TNRC6B: variants seen among roughly 807,000 people sequenced by gnomAD.
TNRC6B encodes the protein trinucleotide repeat-containing gene 6B protein.
A neutral mutation model predicts 203.6 loss-of-function variants in TNRC6B; 52 were observed. The observed-to-expected ratio is 0.26, with a 90% CI of 0.20 to 0.32. The LOEUF (loss-of-function observed/expected upper bound fraction) is 0.32. TNRC6B is among the 10% of genes least tolerant of loss of function. The probability of loss-of-function intolerance (pLI) is 1.00; values close to 1 mark genes in which losing one functional copy is unlikely to be tolerated. For missense variants in TNRC6B, 1,923 were observed against 2,286.2 expected (o/e 0.84, Z 3.24); for synonymous variants, 838 against 845.7 (o/e 0.99, Z 0.16).
chr22:40,065,163 A>G lies in TNRC6B; in HGVS notation c.-121+20165A>G, dbSNP rs373736595. On this transcript the variant is annotated intron_variant, in intron 1 of 23. Coordinates refer to the TNRC6B transcript ENST00000301923. ...ATAATTGATATTAATTTTTCTTTAA[A>G]TATTTGATAGAATTCCCCAGTGAGC... Among the ~76,000 whole-genome samples the G allele has an allele frequency of 5.7e-4, 87 of 152,040 alleles. No homozygotes were observed. In the East Asian group the frequency reaches 0.013, roughly 23 times the overall value.
intron 4 of TNRC6B, among the ~76,000 whole-genome samples, chr22:40,157,181 T>C (rs1183476941): frequency 6.6e-6 from 1 of 152,152 alleles, no homozygotes; most frequent in African/African-American, 2.4e-5. Flanking sequence ...AAAAATTGTG[T>C]TGCAGAGCAG....
At chr22:40,215,885 A>C (rs2069628221) in intron 1 of TNRC6B, among the ~76,000 whole-genome samples, 1 of 152,238 alleles carries the variant, frequency 6.6e-6, no homozygotes, top group Non-Finnish European at 1.5e-5. Flanking sequence ...CTTCTCCTTC[A>C]TACATGCTCT....
At chr22:40,253,981 TTGTGTAGAGGAC>T (rs1438387916) in intron 3 of TNRC6B, among the ~76,000 whole-genome samples, 2 of 152,126 alleles carry the variant, frequency 1.3e-5, no homozygotes, top group African/African-American at 2.4e-5. Flanking sequence ...AAGTCTCTGG[TTGTGTAGAGGAC>T]TGAAGTGAGA....
chr22:40,317,398 T>G (rs1429728537), intron 21 of TNRC6B, among the ~76,000 whole-genome samples: 1 of 152,112 alleles, frequency 6.6e-6, no homozygotes, highest in East Asian at 1.9e-4. Context: ...GCCAACATGG[T>G]GAAACCCCGT....
At chr22:40,203,912 C>T (rs1227707126) in intron 1 of TNRC6B, among the ~76,000 whole-genome samples, 2 of 152,110 alleles carry the variant, frequency 1.3e-5, no homozygotes, top group Non-Finnish European at 2.9e-5. Context: ...CTTTTATTGC[C>T]CTTTATGATG....
chr22:40,316,446 G>A (rs1304112905), intron 21 of TNRC6B, among the ~76,000 whole-genome samples: 1 of 151,958 alleles, frequency 6.6e-6, no homozygotes, highest in Non-Finnish European at 1.5e-5. Context: ...CGAGAGGATT[G>A]CTTGAAGCCA....
intron 1 of TNRC6B, among the ~76,000 whole-genome samples, chr22:40,045,225 G>C (rs2067676887): frequency 6.9e-6 from 1 of 145,066 alleles, no homozygotes; most frequent in Non-Finnish European, 1.5e-5. Context: ...GGCCGGCGGC[G>C]CTGAGCGCGC....
chr22:40,244,406 C>T (rs2070074995), intron 1 of TNRC6B, among the ~76,000 whole-genome samples: 1 of 151,638 alleles, frequency 6.6e-6, no homozygotes, highest in Non-Finnish European at 1.5e-5. Flanking sequence ...AGGAGAAAGG[C>T]TAATATTTGA....
rs547344987 is a variant in TNRC6B at position 40,154,483 on chromosome 22, A to C, written c.46-1632A>C. Among the ~76,000 whole-genome samples, 527 of 151,404 alleles carry C rather than the reference A, an allele frequency of 3.5e-3. 3 individuals are homozygous for C. Among genetic ancestry groups the C allele is most frequent in the African/African-American group, 0.012 (511 of 41,182 alleles). On this transcript the variant is annotated intron_variant, in intron 3 of 23. Transcript: ENST00000301923. ...CATCTCAAAAATAAATAAATAAATA[A>C]ATAATAAAATAAAAGCATGTATATA... is the stretch of plus-strand genomic sequence containing the variant.
intron 1 of TNRC6B, among the ~76,000 whole-genome samples, chr22:40,045,916 T>C (rs1229091918): frequency 1.3e-5 from 2 of 152,260 alleles, no homozygotes; most frequent in African/African-American, 2.4e-5. Flanking sequence ...TTGGCTGTTT[T>C]ATTACTTTTT....
chr22:40,183,179 A>G (rs969770641), intron 1 of TNRC6B, among the ~76,000 whole-genome samples: 3 of 152,168 alleles, frequency 2.0e-5, no homozygotes, highest in Non-Finnish European at 4.4e-5. Flanking sequence ...TGGGGATAAT[A>G]TATTGTTGCG....
At chr22:40,303,961 G>T (rs1201278665) in intron 15 of TNRC6B, among the ~76,000 whole-genome samples, 2 of 152,118 alleles carry the variant, frequency 1.3e-5, no homozygotes, top group Non-Finnish European at 2.9e-5. Flanking sequence ...TTGAATTGAA[G>T]AATACATTTT....
At chr22:40,049,636 C>A (rs1357784078) in intron 1 of TNRC6B, among the ~76,000 whole-genome samples, 1 of 152,154 alleles carries the variant, frequency 6.6e-6, no homozygotes, top group Non-Finnish European at 1.5e-5. Flanking sequence ...TGGAGTCTCG[C>A]TCTGTCGCCC....
chr22:40,287,804 G>C (rs1407735786), intron 12 of TNRC6B, among the ~76,000 whole-genome samples: 1 of 152,236 alleles, frequency 6.6e-6, no homozygotes, highest in Non-Finnish European at 1.5e-5. Context: ...GTTGGTGGCA[G>C]AGGGGTGGGT....
intron 4 of TNRC6B, among the ~76,000 whole-genome samples, chr22:40,166,485 A>G (rs1019759078): frequency 2.2e-4 from 31 of 140,274 alleles, no homozygotes; most frequent in African/African-American, 7.2e-4. Context: ...ATTCTGTGAT[A>G]TTTTCTAAAA....
At chr22:40,054,330 C>T (rs1487457554) in intron 1 of TNRC6B, among the ~76,000 whole-genome samples, 4 of 152,178 alleles carry the variant, frequency 2.6e-5, no homozygotes, top group Non-Finnish European at 5.9e-5. Flanking sequence ...GCCTCTTTTC[C>T]TACTGTCTTC....
At chr22:40,184,973 C>A (rs934744949) in intron 1 of TNRC6B, among the ~76,000 whole-genome samples, 1 of 152,010 alleles carries the variant, frequency 6.6e-6, no homozygotes, top group Non-Finnish European at 1.5e-5. Flanking sequence ...TTAAGAGTTA[C>A]CAGTAGTTCC....
chr22:40,282,446 T>C (rs190857573), intron 11 of TNRC6B, among the ~76,000 whole-genome samples: 2 of 152,376 alleles, frequency 1.3e-5, no homozygotes, highest in African/African-American at 4.8e-5. Context: ...GGATATATAC[T>C]GTTTATATAA....
At chr22:40,314,854 C>T (rs2071235782) in intron 19 of TNRC6B, among the ~76,000 whole-genome samples, 1 of 152,204 alleles carries the variant, frequency 6.6e-6, no homozygotes, top group Non-Finnish European at 1.5e-5. Context: ...GATCAAGGCA[C>T]AAGAAAAGTG....
Sources: gnomAD v4.1 joint callset for allele counts (sites outside exome capture counted in the v4.1 genomes callset) on GRCh38, gnomAD v4.1.1 for gene constraint, MANE v1.5 for transcripts, NCBI Gene and HGNC (gene_info 2026-07-23, HGNC 2026-07-21) for gene names.